LDHC: variants seen among roughly 807,000 people sequenced by gnomAD.
LDHC encodes L-lactate dehydrogenase C chain.
A neutral mutation model predicts 30.2 loss-of-function variants in LDHC; 20 were observed. The ratio of observed to expected loss-of-function variants is 0.66; its 90% confidence interval spans 0.47 to 0.96. The LOEUF (loss-of-function observed/expected upper bound fraction) is 0.96. Among genes scored for constraint, LDHC ranks in the 40% least tolerant of loss-of-function variants. The pLI is 0.00. For synonymous variants in LDHC, 139 were observed against 132.7 expected (o/e 1.05, Z -0.32); for missense variants, 362 against 394.9 (o/e 0.92, Z 0.71).
At chr11:18,447,645 GA>G (rs915564649) in intron 7 of LDHC, among the ~76,000 whole-genome samples, 1 of 152,222 alleles carries the variant, frequency 6.6e-6, no homozygotes, top group Admixed American at 6.5e-5. Flanking sequence ...CTGTGAATGA[GA>G]TTGAATAACT....
At chr11:18,434,341 A>C (rs112973292) in intron 4 of LDHC, among the ~76,000 whole-genome samples, 23,278 of 151,880 alleles carry the variant, frequency 0.15, 2,011 homozygotes, top group African/African-American at 0.23. Flanking sequence ...GGTTTGGATC[A>C]ATTGCTGGTG....
At chr11:18,420,095 AAC>A (rs1590224281) in intron 3 of LDHC, among the ~76,000 whole-genome samples, 17 of 151,672 alleles carry the variant, frequency 1.1e-4, no homozygotes, top group East Asian at 9.7e-4. Context: ...TCCGTCTTAG[AAC>A]AACAACAACA....
Position 18,450,956 on chromosome 11 carries a change from C to T in LDHC, c.835-7C>T. ...TTATTTGAACAATATCTTATCTTGC[C>T]TTTCAGGGATTATATGGAATAAAAG... is the stretch of plus-strand genomic sequence containing the variant. On this transcript the variant is annotated splice_region_variant and splice_polypyrimidine_tract_variant and intron_variant, in intron 7 of 7. Transcript: ENST00000541669. The T allele has an allele frequency of 6.4e-7, 1 of 1,570,852 alleles. No individual in the cohort carries two copies. Among genetic ancestry groups the T allele is most frequent in the Non-Finnish European group, 8.6e-7 (1 of 1,162,248 alleles).
At chr11:18,443,208 G>C (rs181383837) in intron 6 of LDHC, among the ~76,000 whole-genome samples, 140 of 152,088 alleles carry the variant, frequency 9.2e-4, no homozygotes, top group Admixed American at 3.3e-3. Flanking sequence ...CAACAAAACT[G>C]TCCCTTATGC....
At chr11:18,426,356 G>A (rs61882877) in intron 3 of LDHC, among the ~76,000 whole-genome samples, 18,240 of 151,766 alleles carry the variant, frequency 0.12, 1,569 homozygotes, top group African/African-American at 0.24. Flanking sequence ...GCAAAAGCCC[G>A]TTTCTACTAA....
intron 3 of LDHC, among the ~76,000 whole-genome samples, chr11:18,423,449 T>C (rs1848102765): frequency 6.6e-6 from 1 of 152,210 alleles, no homozygotes; most frequent in Non-Finnish European, 1.5e-5. Flanking sequence ...GATGATTTTC[T>C]AGATAAATAG....
chr11:18,415,168 C>T lies in LDHC; in HGVS notation c.127-16C>T, dbSNP rs749113751. Reference sequence around the variant, plus strand: ...TTAAGTAGGAACATTTTATTCAGAACTTTTGTATATTTTAGGATTTGGCTG... The same window carrying T: ...TTAAGTAGGAACATTTTATTCAGAATTTTTGTATATTTTAGGATTTGGCTG... On this transcript the variant is annotated splice_polypyrimidine_tract_variant and intron_variant, in intron 2 of 7. Coordinates refer to ENST00000541669, the MANE Select transcript of LDHC (RefSeq NM_017448.5). The T allele has an allele frequency of 2.8e-6, 4 of 1,447,846 alleles. No homozygotes were observed. Among genetic ancestry groups the T allele is most frequent in the Non-Finnish European group, 3.8e-6 (4 of 1,040,354 alleles). The allele number at this position is 1,447,846 out of a possible 1,614,324, so 89.7% of individuals were successfully genotyped here.
chr11:18,414,434 A>AT (rs1866966908), intron 2 of LDHC, among the ~76,000 whole-genome samples: 2 of 152,204 alleles, frequency 1.3e-5, no homozygotes. Flanking sequence ...GATGAAAACA[A>AT]TAAGTGTTCA....
intron 4 of LDHC, 108 bp from the exon 5 acceptor site, chr11:18,434,631 GT>G (rs1291491776): frequency 3.0e-6 from 2 of 660,434 alleles, no homozygotes; most frequent in Non-Finnish European, 5.3e-6. Context: ...GCTTCACTTT[GT>G]AATAAATCTG....
intron 4 of LDHC, among the ~76,000 whole-genome samples, chr11:18,433,535 G>A (rs1006824968): frequency 5.3e-5 from 8 of 152,162 alleles, no homozygotes; most frequent in African/African-American, 1.2e-4. Flanking sequence ...GAAAATGACT[G>A]TATCTTTCCT....
chr11:18,416,244 T>C (rs868454143), intron 3 of LDHC, among the ~76,000 whole-genome samples: 2 of 152,338 alleles, frequency 1.3e-5, no homozygotes, highest in South Asian at 4.1e-4. Context: ...AATACATTTA[T>C]CCATATTCTT....
intron 7 of LDHC, among the ~76,000 whole-genome samples, chr11:18,449,243 C>T (rs1462536273): frequency 6.6e-6 from 1 of 151,346 alleles, no homozygotes; most frequent in East Asian, 1.9e-4. Flanking sequence ...TGGAGACCAA[C>T]CTGGGCAACA....
chr11:18,417,246 G>T (rs1013814953), intron 3 of LDHC, among the ~76,000 whole-genome samples: 5 of 152,144 alleles, frequency 3.3e-5, no homozygotes, highest in African/African-American at 9.7e-5. Flanking sequence ...GGGCTGAAGG[G>T]GTCCTCCTGC....
chr11:18,417,699 C>A (rs1867049266), intron 3 of LDHC, among the ~76,000 whole-genome samples: 1 of 152,178 alleles, frequency 6.6e-6, no homozygotes, highest in South Asian at 2.1e-4. Context: ...CCTAGAAGGA[C>A]AATTTTTAAA....
At position 18,412,724 on chromosome 11, in the gene LDHC, A is replaced by G. The variant is rs769545568; in HGVS notation, c.7A>G (p.Thr3Ala). Reference protein sequence around the residue: MSTVKEQLIEKLI... With the variant: MSAVKEQLIEKLI... Reference sequence around the variant, plus strand: ...TCCCTATCAGGTTCTCCAAATGTCAACTGTCAAGGAGCAGCTAATTGAGAA... The same window carrying G: ...TCCCTATCAGGTTCTCCAAATGTCAGCTGTCAAGGAGCAGCTAATTGAGAA... The change falls in exon 2 of 8, where the codon ACT becomes GCT. Residue 3 changes from threonine to alanine, a missense_variant. Coordinates refer to ENST00000541669, the MANE Select transcript of LDHC (RefSeq NM_017448.5). The G allele has an allele frequency of 2.2e-5, 35 of 1,613,522 alleles. 1 individual carries two copies. The South Asian group carries it at 2.3e-4, about 11-fold the overall frequency.
chr11:18,445,680 A>G (rs568998191), intron 6 of LDHC, among the ~76,000 whole-genome samples: 61 of 152,170 alleles, frequency 4.0e-4, no homozygotes, highest in Admixed American at 6.5e-4. Flanking sequence ...TTTTTACTTA[A>G]AAAAAGTAGG....
intron 5 of LDHC, among the ~76,000 whole-genome samples, chr11:18,438,050 GA>G (rs1008510142): frequency 2.8e-4 from 40 of 143,014 alleles, no homozygotes; most frequent in Admixed American, 4.2e-4. Context: ...GAGTGAAAAA[GA>G]AAAAAAAAAC....
At chr11:18,442,043 C>G (rs1473838174) in intron 6 of LDHC, among the ~76,000 whole-genome samples, 1 of 151,946 alleles carries the variant, frequency 6.6e-6, no homozygotes, top group Non-Finnish European at 1.5e-5. Flanking sequence ...AAAGCGGCTG[C>G]CTTTAGTTCT....
At chr11:18,448,171 C>T (rs1848587786) in intron 7 of LDHC, among the ~76,000 whole-genome samples, 1 of 151,932 alleles carries the variant, frequency 6.6e-6, no homozygotes, top group Non-Finnish European at 1.5e-5. Context: ...CTCTCTAGGA[C>T]TCTGGAGAAA....
Sources: allele counts gnomAD v4.1 joint callset (sites outside exome capture counted in the v4.1 genomes callset), GRCh38; gene constraint gnomAD v4.1.1; transcripts MANE v1.5; gene names NCBI Gene and HGNC (gene_info 2026-07-23, HGNC 2026-07-21).